Variants in ASIC2 observed in about 807,000 individuals in gnomAD.
The protein encoded by ASIC2 is acid sensing ion channel subunit 2, also known as acid-sensing ion channel 2.
A neutral mutation model predicts 57.3 loss-of-function variants in ASIC2; 25 were observed. That is an observed-to-expected ratio of 0.44 (90% CI 0.32 to 0.61). The LOEUF (loss-of-function observed/expected upper bound fraction) is 0.61, where lower values mean the gene tolerates loss of function less well. Among genes scored for constraint, ASIC2 ranks in the 20% least tolerant of loss-of-function variants. ASIC2 has a pLI of 0.06. For missense variants in ASIC2, 641 were observed against 738.1 expected, an observed-to-expected ratio of 0.87 and a Z score of 1.52; for synonymous variants, 319 against 307.5, an observed-to-expected ratio of 1.04 and a Z score of -0.39.
At chr17:33,549,006 GTATT>G (rs1915666195) in intron 1 of ASIC2, among the ~76,000 whole-genome samples, 1 of 152,044 alleles carries the variant, frequency 6.6e-6, no homozygotes, top group Admixed American at 6.6e-5. Context: ...ATTATCTTGA[GTATT>G]TATTTGTTCA....
intron 1 of ASIC2, among the ~76,000 whole-genome samples, chr17:33,564,613 C>T (rs1321586963): frequency 6.6e-6 from 1 of 152,266 alleles, no homozygotes; most frequent in Non-Finnish European, 1.5e-5. Context: ...GCACTGCCTG[C>T]CATGCACACC....
intron 1 of ASIC2, among the ~76,000 whole-genome samples, chr17:33,805,359 A>T (rs956504383): frequency 3.3e-5 from 5 of 151,990 alleles, no homozygotes; most frequent in African/African-American, 1.2e-4. Context: ...AAGAAGGGGG[A>T]GTTTGGTCAA....
intron 1 of ASIC2, among the ~76,000 whole-genome samples, chr17:33,949,271 G>A (rs981025723): frequency 3.3e-5 from 5 of 152,058 alleles, no homozygotes; most frequent in South Asian, 2.1e-4. Context: ...GGCAGGGCAC[G>A]AGCGAGAACT....
upstream of ASIC2, among the ~76,000 whole-genome samples, chr17:33,296,267 G>T (rs1228947819): frequency 2.6e-5 from 4 of 152,072 alleles, no homozygotes; most frequent in Admixed American, 6.5e-5. Flanking sequence ...CCACAGAGAG[G>T]TTAAGTTACT....
chr17:33,397,486 G>C (rs1335670280), intron 1 of ASIC2, among the ~76,000 whole-genome samples: 2 of 152,340 alleles, frequency 1.3e-5, no homozygotes, highest in Middle Eastern at 3.4e-3. Flanking sequence ...GAAATAATTA[G>C]AGGAAATATG....
chr17:33,097,634 C>T (rs1165314141), intron 2 of ASIC2, among the ~76,000 whole-genome samples: 1 of 152,246 alleles, frequency 6.6e-6, no homozygotes, highest in East Asian at 1.9e-4. Flanking sequence ...TGTTAGTGGG[C>T]TAGAAGCCAC....
intron 1 of ASIC2, among the ~76,000 whole-genome samples, chr17:33,382,440 G>A (rs749209899): frequency 2.2e-4 from 34 of 152,100 alleles, no homozygotes; most frequent in Non-Finnish European, 4.1e-4. Context: ...CCCCAAAATG[G>A]CCTTCTTCAC....
At chr17:33,396,914 A>T (rs1169427911) in intron 1 of ASIC2, among the ~76,000 whole-genome samples, 2 of 152,122 alleles carry the variant, frequency 1.3e-5, no homozygotes, top group Non-Finnish European at 2.9e-5. Context: ...AGAAGTAGGG[A>T]TGAAGGCACT....
intron 1 of ASIC2, among the ~76,000 whole-genome samples, chr17:34,033,723 A>T (rs1349954334): frequency 3.3e-5 from 5 of 152,228 alleles, no homozygotes; most frequent in Admixed American, 1.3e-4. Flanking sequence ...CCATCAGAGA[A>T]TACTACAAAC....
upstream of ASIC2, among the ~76,000 whole-genome samples, chr17:33,296,577 T>G (rs1016339060): frequency 6.6e-6 from 1 of 152,136 alleles, no homozygotes; most frequent in African/African-American, 2.4e-5. Context: ...AAACATCTGT[T>G]CACCATGCCT....
intron 1 of ASIC2, among the ~76,000 whole-genome samples, chr17:33,779,566 A>G (rs1911385536): frequency 6.6e-6 from 1 of 152,236 alleles, no homozygotes; most frequent in Admixed American, 6.5e-5. Context: ...TTCCTGGCAG[A>G]CAAACCTAAG....
chr17:33,627,521 A>G (rs1474117907), intron 1 of ASIC2, among the ~76,000 whole-genome samples: 2 of 152,202 alleles, frequency 1.3e-5, no homozygotes, highest in East Asian at 3.9e-4. Context: ...ACTGATGAAA[A>G]GTGTCTTCCC....
At position 34,156,403 on chromosome 17, in the gene ASIC2, G is replaced by A. The variant is rs1013789056; in HGVS notation, c.130C>T (p.Leu44=). The A allele has an allele frequency of 4.3e-6, 7 of 1,614,070 alleles. No homozygotes were observed. In the African/African-American group the frequency reaches 9.3e-5, roughly 22 times the overall value. The change falls in exon 1 of 10, where the codon CTG becomes TTG. Residue 44 remains leucine, a synonymous_variant. Transcript: ENST00000359872. This position sits in a 1 kb window ranked among gnomAD's most constrained non-coding sequence, Gnocchi z 4.4. ...GAGCCCACGAAGGCCACTGCCCACA[G>A]CACACGCCGGATGGTCAGCGGCCCA...
At chr17:33,767,037 T>C (rs1910954798) in intron 1 of ASIC2, among the ~76,000 whole-genome samples, 1 of 152,264 alleles carries the variant, frequency 6.6e-6, no homozygotes, top group Non-Finnish European at 1.5e-5. Flanking sequence ...TGGACCAGGC[T>C]GCACAGAGTT....
intron 1 of ASIC2, among the ~76,000 whole-genome samples, chr17:33,412,277 C>T (rs1460944263): frequency 1.3e-5 from 2 of 152,192 alleles, no homozygotes; most frequent in Non-Finnish European, 1.5e-5. Flanking sequence ...TTGTACCAAC[C>T]CACGTGGTTC....
chr17:34,095,110 C>T (rs1910470434), intron 1 of ASIC2, among the ~76,000 whole-genome samples: 1 of 152,194 alleles, frequency 6.6e-6, no homozygotes, highest in Admixed American at 6.5e-5. Flanking sequence ...ACAGGATGAT[C>T]TCTTGAGTTC....
At chr17:34,034,435 C>T (rs1907769732) in intron 1 of ASIC2, among the ~76,000 whole-genome samples, 1 of 152,162 alleles carries the variant, frequency 6.6e-6, no homozygotes, top group Non-Finnish European at 1.5e-5. Flanking sequence ...CGAAGCATTC[C>T]CTTTGAAAAC....
intron 1 of ASIC2, among the ~76,000 whole-genome samples, chr17:33,785,197 A>T (rs1484742016): frequency 1.3e-5 from 2 of 152,148 alleles, no homozygotes; most frequent in African/African-American, 4.8e-5. Context: ...ACAAGGAAGG[A>T]AAATGATGTG....
chr17:33,262,530 T>C (rs1172889819), intron 1 of ASIC2, among the ~76,000 whole-genome samples: 2 of 152,094 alleles, frequency 1.3e-5, no homozygotes, highest in African/African-American at 2.4e-5. Flanking sequence ...ATGCCTATAG[T>C]ATGTTTCTCT....
Sources: gnomAD v4.1 joint callset for allele counts (sites outside exome capture counted in the v4.1 genomes callset) on GRCh38, gnomAD v4.1.1 for gene constraint, Gnocchi (gnomAD v3.1) non-coding constraint, MANE v1.5 for transcripts, NCBI Gene and HGNC (gene_info 2026-07-23, HGNC 2026-07-21) for gene names.